CRIM1: variants seen among roughly 807,000 people sequenced by gnomAD.
CRIM1 encodes cysteine rich transmembrane BMP regulator 1, also known as cysteine-rich motor neuron 1 protein.
Under a neutral mutation model 116.4 loss-of-function variants are expected in CRIM1, and 32 were observed. The ratio of observed to expected loss-of-function variants is 0.27; its 90% confidence interval spans 0.21 to 0.37. The LOEUF is 0.37. Ranked by LOEUF, CRIM1 falls within the 10% of genes least tolerant of loss-of-function variation. The pLI, the probability that CRIM1 is intolerant of heterozygous loss-of-function variation, is 1.00. For missense variants in CRIM1, 1,331 were observed against 1,354.8 expected, an observed-to-expected ratio of 0.98 and a Z score of 0.28; for synonymous variants, 590 against 509.2, an observed-to-expected ratio of 1.16 and a Z score of -2.13.
At chr2:36,371,746 C>T (rs1669959133) in intron 1 of CRIM1, among the ~76,000 whole-genome samples, 1 of 152,198 alleles carries the variant, frequency 6.6e-6, no homozygotes, top group Non-Finnish European at 1.5e-5. Context: ...CTTTCATTCA[C>T]TAACCCCTTA....
intron 6 of CRIM1, among the ~76,000 whole-genome samples, chr2:36,479,012 T>C (rs1679201487): frequency 6.6e-6 from 1 of 152,164 alleles, no homozygotes; most frequent in Non-Finnish European, 1.5e-5. Flanking sequence ...GCAAGACCAC[T>C]GTTGCCCACA....
chr2:36,526,040 G>T (rs369687818), intron 13 of CRIM1, among the ~76,000 whole-genome samples: 1 of 152,042 alleles, frequency 6.6e-6, no homozygotes, highest in African/African-American at 2.4e-5. Context: ...ATAATTAATA[G>T]GATTGATGAT....
At chr2:36,468,040 G>C (rs1193132147) in intron 5 of CRIM1, among the ~76,000 whole-genome samples, 1 of 152,176 alleles carries the variant, frequency 6.6e-6, no homozygotes, top group African/African-American at 2.4e-5. Flanking sequence ...AGGTCAGATT[G>C]ACACAGCTAG....
rs3834155 is a variant in CRIM1, at chr2:36,408,083, AT to A, written c.505+11297del. On this transcript the variant is annotated intron_variant, in intron 2 of 16. Transcript: ENST00000280527. ...GTTGTAGGTGAGCAGGTTTTGCTAC[AT>A]CTGGGCTTTATTTCAGGATTAAATA... Among the ~76,000 whole-genome samples the A allele has an allele frequency of 3.1e-4, 47 of 152,344 alleles. No individual in the cohort carries two copies. The East Asian group carries it at 7.3e-3, about 24-fold the overall frequency.
intron 4 of CRIM1, among the ~76,000 whole-genome samples, chr2:36,449,393 A>T (rs143008934): frequency 8.3e-4 from 127 of 152,270 alleles, no homozygotes; most frequent in African/African-American, 2.9e-3. Context: ...GCCTCTCAGG[A>T]GCCCTAACAT....
chr2:36,376,730 T>C lies in CRIM1; in HGVS notation c.332-19884T>C, dbSNP rs1451959682. Among the ~76,000 whole-genome samples the C allele has an allele frequency of 4.6e-5, 7 of 152,302 alleles. No individual in the cohort carries two copies. In the South Asian group the frequency reaches 1.2e-3, roughly 27 times the overall value. On this transcript the variant is annotated intron_variant, in intron 1 of 16. Transcript: ENST00000280527. ...CCTTTAGTGGGCATCTCAGAATTCT[T>C]TGCTGCACCAACCACAGCATTTCTT...
chr2:36,455,796 A>G (rs1364225737), intron 4 of CRIM1, among the ~76,000 whole-genome samples: 1 of 152,134 alleles, frequency 6.6e-6, no homozygotes, highest in Non-Finnish European at 1.5e-5. Context: ...ATTGTGTGAT[A>G]TGTTCGGAGG....
At chr2:36,365,469 A>C (rs576707601) in intron 1 of CRIM1, among the ~76,000 whole-genome samples, 11 of 152,304 alleles carry the variant, frequency 7.2e-5, no homozygotes, top group African/African-American at 2.6e-4. Context: ...TTCAGAGACC[A>C]CTGCGGGCTT....
At chr2:36,453,201 A>C (rs1475053073) in intron 4 of CRIM1, among the ~76,000 whole-genome samples, 1 of 152,248 alleles carries the variant, frequency 6.6e-6, no homozygotes, top group East Asian at 1.9e-4. Context: ...TATATTTGGT[A>C]GACATTTAAT....
chr2:36,406,583 A>G (rs1049419596), intron 2 of CRIM1, among the ~76,000 whole-genome samples: 57 of 151,120 alleles, frequency 3.8e-4, no homozygotes, highest in African/African-American at 1.3e-3. Flanking sequence ...TTTAAACTTG[A>G]TAAGTCTTAC....
At chr2:36,465,708 A>T (rs1349353572) in intron 5 of CRIM1, among the ~76,000 whole-genome samples, 3 of 152,160 alleles carry the variant, frequency 2.0e-5, no homozygotes. Flanking sequence ...TAGAATTAAT[A>T]ACCTCAGTTT....
intron 5 of CRIM1, among the ~76,000 whole-genome samples, chr2:36,472,598 A>G (rs1017729516): frequency 6.6e-6 from 1 of 152,166 alleles, no homozygotes; most frequent in African/African-American, 2.4e-5. Context: ...AAGCAGCTTT[A>G]TTCATAACCA....
intron 7 of CRIM1, among the ~76,000 whole-genome samples, chr2:36,497,615 A>C (rs928384218): frequency 1.1e-4 from 16 of 152,338 alleles, no homozygotes; most frequent in Middle Eastern, 3.4e-3. Flanking sequence ...TGGTTATTGA[A>C]GGAAATTAGA....
intron 7 of CRIM1, among the ~76,000 whole-genome samples, chr2:36,488,806 C>T (rs1339251218): frequency 6.6e-6 from 1 of 152,186 alleles, no homozygotes; most frequent in Non-Finnish European, 1.5e-5. Context: ...CAGGCTCCAG[C>T]TCTTACTTTG....
chr2:36,432,399 A>AT (rs1423910147), intron 2 of CRIM1, among the ~76,000 whole-genome samples: 3 of 152,026 alleles, frequency 2.0e-5, no homozygotes, highest in South Asian at 4.2e-4. Context: ...TTGAATGGCA[A>AT]TTTTTTCTGG....
intron 14 of CRIM1, among the ~76,000 whole-genome samples, chr2:36,541,717 T>G (rs937855368): frequency 2.0e-5 from 3 of 152,206 alleles, no homozygotes; most frequent in African/African-American, 7.2e-5. Context: ...CAGGAGCGAT[T>G]GTGACCGTGT....
At chr2:36,473,935 T>C (rs1173279770) in intron 5 of CRIM1, among the ~76,000 whole-genome samples, 1 of 152,124 alleles carries the variant, frequency 6.6e-6, no homozygotes. Flanking sequence ...ACAAACTGTT[T>C]TCCAAAGCAG....
At position 36,504,113 on chromosome 2, in the gene CRIM1, A is replaced by G. The variant is rs141534519; in HGVS notation, c.1501+4766A>G. Among the ~76,000 whole-genome samples the G allele has an allele frequency of 3.9e-3, 589 of 152,192 alleles. 1 individual carries two copies. The highest frequency in any genetic ancestry group is 6.1e-3 in the Non-Finnish European group (417 of 68,004). On this transcript the variant is annotated intron_variant, in intron 8 of 16. Transcript: ENST00000280527. ...GGTCACGAACTCCTGGCGTCAAGCA[A>G]TCTGCCCGACTCGATCTCCTAAAGT...
intron 7 of CRIM1, among the ~76,000 whole-genome samples, chr2:36,483,377 T>C (rs1379404578): frequency 6.6e-6 from 1 of 152,226 alleles, no homozygotes. Flanking sequence ...TTAATGACAG[T>C]GGCTAACATT....
Sources: gnomAD v4.1 joint callset for allele counts (sites outside exome capture counted in the v4.1 genomes callset) on GRCh38, gnomAD v4.1.1 for gene constraint, MANE v1.5 for transcripts, NCBI Gene and HGNC (gene_info 2026-07-23, HGNC 2026-07-21) for gene names.